DLG2: variants seen among roughly 807,000 people sequenced by gnomAD.
The protein encoded by DLG2 is discs large MAGUK scaffold protein 2.
A neutral mutation model predicts 132.5 loss-of-function variants in DLG2; 45 were observed. The observed-to-expected ratio is 0.34, with a 90% CI of 0.27 to 0.44. The LOEUF (loss-of-function observed/expected upper bound fraction) is 0.44. Ranked by LOEUF, DLG2 falls within the 20% of genes least tolerant of loss-of-function variation. DLG2 has a pLI of 1.00. For synonymous variants in DLG2, 424 were observed against 419.6 expected (o/e 1.01, Z -0.13); for missense variants, 1,045 against 1,196.9 (o/e 0.87, Z 1.87).
chr11:83,837,432 G>A (rs2056493295), intron 16 of DLG2, among the ~76,000 whole-genome samples: 1 of 152,172 alleles, frequency 6.6e-6, no homozygotes, highest in African/African-American at 2.4e-5. Context: ...CCTAGTGGAA[G>A]AAGTGTAAGG....
At chr11:84,657,304 G>A (rs1440460897) in intron 6 of DLG2, among the ~76,000 whole-genome samples, 1 of 152,146 alleles carries the variant, frequency 6.6e-6, no homozygotes, top group Non-Finnish European at 1.5e-5. Flanking sequence ...ATCAAGCAAT[G>A]GCAAACAGGG....
chr11:84,801,860 T>C lies in DLG2; in HGVS notation c.358-267129A>G, dbSNP rs1289836430. ...CCATAATGATTAGAAAGGTTTCTAATTGGGGACAAATTTGGTATTGAGAAC... is the reference window on the plus strand; with the variant it reads ...CCATAATGATTAGAAAGGTTTCTAACTGGGGACAAATTTGGTATTGAGAAC... On this transcript the variant is annotated intron_variant, in intron 6 of 27. Coordinates refer to ENST00000376104, the MANE Select transcript of DLG2 (RefSeq NM_001142699.3). 2.6e-5 allele frequency among the ~76,000 whole-genome samples: 4 copies of C among 152,198 alleles called. No individual in the cohort carries two copies. In the East Asian group the frequency reaches 5.8e-4, roughly 22 times the overall value.
intron 3 of DLG2, among the ~76,000 whole-genome samples, chr11:85,447,650 A>T (rs1199859193): frequency 6.6e-6 from 1 of 152,208 alleles, no homozygotes; most frequent in East Asian, 1.9e-4. Context: ...GATATTTATT[A>T]TGGCAGCTCT....
chr11:85,371,631 C>A (rs973713531), intron 3 of DLG2, among the ~76,000 whole-genome samples: 1 of 152,188 alleles, frequency 6.6e-6, no homozygotes, highest in African/African-American at 2.4e-5. Flanking sequence ...AAACTGGCCT[C>A]ATACCCTTGT....
intron 15 of DLG2, among the ~76,000 whole-genome samples, chr11:83,895,932 A>AAC (rs1304095144): frequency 1.3e-5 from 2 of 152,226 alleles, no homozygotes; most frequent in East Asian, 3.8e-4. Context: ...TATTGAACTG[A>AAC]ACACTGTAAT....
At chr11:84,356,926 T>G (rs953626913) in intron 7 of DLG2, among the ~76,000 whole-genome samples, 1 of 151,970 alleles carries the variant, frequency 6.6e-6, no homozygotes, top group East Asian at 1.9e-4. Context: ...AGAAGAGAAA[T>G]TGCCAGAAAG....
chr11:84,279,879 AT>A (rs1468714346), intron 7 of DLG2, among the ~76,000 whole-genome samples: 1 of 152,196 alleles, frequency 6.6e-6, no homozygotes, highest in African/African-American at 2.4e-5. Context: ...AACAAAACTA[AT>A]TAACAACTTA....
At chr11:83,974,668 G>A (rs1362967398) in intron 12 of DLG2, among the ~76,000 whole-genome samples, 1 of 151,976 alleles carries the variant, frequency 6.6e-6, no homozygotes, top group Non-Finnish European at 1.5e-5. Context: ...ACAGAAAAGA[G>A]AACAATATTT....
At chr11:84,319,357 C>T (rs889896052) in intron 7 of DLG2, among the ~76,000 whole-genome samples, 3 of 152,138 alleles carry the variant, frequency 2.0e-5, no homozygotes, top group Non-Finnish European at 4.4e-5. Context: ...ATGCCAATGC[C>T]ATCACTCTCA....
intron 6 of DLG2, among the ~76,000 whole-genome samples, chr11:85,101,307 C>A (rs1449412536): frequency 2.0e-5 from 3 of 152,008 alleles, no homozygotes; most frequent in South Asian, 4.1e-4. Flanking sequence ...AAAGTCTCTA[C>A]AAGGCATTAT....
chr11:83,789,022 A>G (rs2040778950), intron 17 of DLG2, among the ~76,000 whole-genome samples: 1 of 152,252 alleles, frequency 6.6e-6, no homozygotes, highest in Non-Finnish European at 1.5e-5. Context: ...TAGGCAAACT[A>G]TAAGATGAAA....
At chr11:83,600,804 C>G (rs1430725805) in intron 19 of DLG2, among the ~76,000 whole-genome samples, 1 of 152,220 alleles carries the variant, frequency 6.6e-6, no homozygotes, top group East Asian at 1.9e-4. Context: ...CAAACATGGG[C>G]TATAACAGAG....
intron 18 of DLG2, among the ~76,000 whole-genome samples, chr11:83,695,189 T>C (rs2081671281): frequency 6.6e-6 from 1 of 152,208 alleles, no homozygotes; most frequent in African/African-American, 2.4e-5. Flanking sequence ...GCTATATTTA[T>C]TCCAGAGAGT....
rs1178535107 is a variant in DLG2, at chr11:85,029,986, A to G, written c.357+81675T>C. Among the ~76,000 whole-genome samples the G allele has an allele frequency of 2.6e-5, 4 of 152,134 alleles. No homozygotes were observed. In the South Asian group the frequency reaches 8.3e-4, roughly 32 times the overall value. On this transcript the variant is annotated intron_variant, in intron 6 of 27. Coordinates refer to ENST00000376104, the MANE Select transcript of DLG2 (RefSeq NM_001142699.3). Reference sequence around the variant, plus strand: ...GCAAAGAGCGAGCTGTAACCAATCCAGTTGTTTCTGTACCTCACTTCTGTT... The same window carrying G: ...GCAAAGAGCGAGCTGTAACCAATCCGGTTGTTTCTGTACCTCACTTCTGTT...
chr11:85,443,269 G>T (rs539129514), intron 3 of DLG2, among the ~76,000 whole-genome samples: 48 of 152,250 alleles, frequency 3.2e-4, no homozygotes, highest in African/African-American at 1.1e-3. Context: ...ATTCATTGTT[G>T]TTCATTCACA....
chr11:84,016,714 T>C, intron 11 of DLG2, among the ~76,000 whole-genome samples: 1 of 152,144 alleles, frequency 6.6e-6, no homozygotes, highest in East Asian at 1.9e-4. Flanking sequence ...TAACCTTTTC[T>C]AGATTGCCAC....
At chr11:84,370,593 G>A (rs1173727947) in intron 7 of DLG2, among the ~76,000 whole-genome samples, 3 of 152,148 alleles carry the variant, frequency 2.0e-5, no homozygotes, top group African/African-American at 4.8e-5. Context: ...GCCTCAGAAA[G>A]CATCAAATCC....
At chr11:84,799,357 G>C (rs2075080992) in intron 6 of DLG2, among the ~76,000 whole-genome samples, 1 of 152,148 alleles carries the variant, frequency 6.6e-6, no homozygotes, top group African/African-American at 2.4e-5. Context: ...CCTCCCCCAA[G>C]TGCACAGATT....
At chr11:84,717,811 AC>A (rs1307757603) in intron 6 of DLG2, among the ~76,000 whole-genome samples, 5 of 152,112 alleles carry the variant, frequency 3.3e-5, no homozygotes, top group Non-Finnish European at 5.9e-5. Context: ...ATGAATTTAT[AC>A]ATAGTAAGTA....
Sources: gnomAD v4.1 joint callset for allele counts (sites outside exome capture counted in the v4.1 genomes callset) on GRCh38, gnomAD v4.1.1 for gene constraint, MANE v1.5 for transcripts, NCBI Gene and HGNC (gene_info 2026-07-23, HGNC 2026-07-21) for gene names.